Variants in FMNL2 observed in about 807,000 individuals in gnomAD.
FMNL2 encodes the protein formin-like protein 2.
In FMNL2, 51 loss-of-function variants were observed where a neutral mutation model predicts 130.2. The observed-to-expected ratio is 0.39, with a 90% CI of 0.31 to 0.49. The LOEUF is 0.49. Among genes scored for constraint, FMNL2 ranks in the 20% least tolerant of loss-of-function variants. The pLI is 0.85. For synonymous variants in FMNL2, 465 were observed against 467.1 expected, an observed-to-expected ratio of 1.00 and a Z score of 0.06; for missense variants, 977 against 1,316.2, an observed-to-expected ratio of 0.74 and a Z score of 3.99.
chr2:152,455,902 A>G (rs904431693), intron 1 of FMNL2, among the ~76,000 whole-genome samples: 8 of 152,104 alleles, frequency 5.3e-5, no homozygotes, highest in Admixed American at 6.5e-5. Flanking sequence ...TTTTGTAGAG[A>G]CGGGGTCTCA....
chr2:152,466,514 A>G (rs1281178097), intron 1 of FMNL2, among the ~76,000 whole-genome samples: 1 of 152,146 alleles, frequency 6.6e-6, no homozygotes, highest in African/African-American at 2.4e-5. Context: ...TTGTTGGTGG[A>G]TATAATGTGG....
At chr2:152,457,892 T>C (rs1689043797) in intron 1 of FMNL2, among the ~76,000 whole-genome samples, 1 of 152,090 alleles carries the variant, frequency 6.6e-6, no homozygotes, top group Admixed American at 6.5e-5. Context: ...TCAATGCAAA[T>C]AATGTCAGGG....
At chr2:152,637,756 A>G in intron 23 of FMNL2, 82 bp downstream of exon 23, 1 of 1,234,070 alleles carries the variant, frequency 8.1e-7, no homozygotes, top group East Asian at 2.4e-5. Context: ...CTCTCTGCAG[A>G]GGCCTCCCAG....
Position 152,335,473 on chromosome 2 carries a change from TGGGCGCGGCGGAGGGCGGGGAGCC to T in FMNL2, c.-126_-103del, listed in dbSNP as rs1240941349. 1.9e-6 allele frequency: 1 copy of T among 524,370 alleles called. No homozygotes were observed. Among genetic ancestry groups the T allele is most frequent in the Non-Finnish European group, 3.0e-6 (1 of 333,014 alleles). The allele number at this position is 524,370 out of a possible 1,614,324, so 32.5% of individuals were successfully genotyped here. The stretch of plus-strand genomic sequence containing the variant: ...GAGCGGTGCGCGCCGCACACCCGCC[TGGGCGCGGCGGAGGGCGGGGAGCC>T]GGGCAGGTCGCGCCTGCGGGCGGCA... On this transcript the variant is annotated 5_prime_UTR_variant, in exon 1 of 26. Coordinates refer to ENST00000288670, the MANE Select transcript of FMNL2 (RefSeq NM_052905.4).
At chr2:152,558,332 T>C (rs1176763193) in intron 4 of FMNL2, among the ~76,000 whole-genome samples, 4 of 152,176 alleles carry the variant, frequency 2.6e-5, no homozygotes, top group Non-Finnish European at 5.9e-5. Flanking sequence ...CCCGCCTGGA[T>C]TTTTGTGGTT....
intron 1 of FMNL2, among the ~76,000 whole-genome samples, chr2:152,453,094 C>T (rs902552802): frequency 1.3e-5 from 2 of 151,432 alleles, no homozygotes; most frequent in Admixed American, 1.3e-4. Context: ...CCCAGCTACT[C>T]GGGAAGCTGA....
intron 3 of FMNL2, among the ~76,000 whole-genome samples, chr2:152,548,343 GTTCCTACCAT>G (rs1445586328): frequency 6.6e-6 from 1 of 152,208 alleles, no homozygotes; most frequent in Non-Finnish European, 1.5e-5. Context: ...ACGGGGGAAA[GTTCCTACCAT>G]TTCCTGATAA....
At chr2:152,621,495 A>G (rs1029254280) in intron 15 of FMNL2, among the ~76,000 whole-genome samples, 29 of 151,548 alleles carry the variant, frequency 1.9e-4, no homozygotes, top group African/African-American at 7.0e-4. Context: ...CTGATAACCA[A>G]CTGCTTTTAG....
intron 1 of FMNL2, among the ~76,000 whole-genome samples, chr2:152,495,268 AG>A (rs1691440088): frequency 6.6e-6 from 1 of 152,122 alleles, no homozygotes; most frequent in African/African-American, 2.4e-5. Flanking sequence ...CTTTCTTTGA[AG>A]TATTAAGTAC....
intron 15 of FMNL2, among the ~76,000 whole-genome samples, chr2:152,624,472 G>A (rs865776260): frequency 2.4e-4 from 36 of 150,626 alleles, no homozygotes; most frequent in Middle Eastern, 3.4e-3. Context: ...CTTCCCCCCC[G>A]CCCCTTTTAT....
chr2:152,358,301 C>A (rs891946060), intron 1 of FMNL2, among the ~76,000 whole-genome samples: 4 of 152,114 alleles, frequency 2.6e-5, no homozygotes, highest in Non-Finnish European at 5.9e-5. Flanking sequence ...CTTCCTTGCT[C>A]CTCAGTTTGC....
At chr2:152,386,686 T>C (rs925246512) in intron 1 of FMNL2, among the ~76,000 whole-genome samples, 4 of 152,188 alleles carry the variant, frequency 2.6e-5, no homozygotes, top group African/African-American at 9.7e-5. Context: ...TTTGATGTTA[T>C]TACCTTGAGG....
intron 7 of FMNL2, chr2:152,578,650 C>T (rs184155740): frequency 1.2e-5 from 4 of 331,246 alleles, no homozygotes; most frequent in Admixed American, 9.5e-5. Flanking sequence ...CTGTACCCCC[C>T]GCCTCAGCCT....
intron 3 of FMNL2, among the ~76,000 whole-genome samples, chr2:152,545,939 G>A (rs902483902): frequency 2.6e-5 from 4 of 152,220 alleles, no homozygotes; most frequent in African/African-American, 9.7e-5. Flanking sequence ...TCCGTTATCA[G>A]GCAGTTGCAG....
intron 1 of FMNL2, among the ~76,000 whole-genome samples, chr2:152,441,800 A>C (rs543970099): frequency 6.6e-6 from 1 of 151,410 alleles, no homozygotes; most frequent in Admixed American, 6.6e-5. Context: ...ATGCCACTGC[A>C]CTCCAGCCTG....
chr2:152,595,940 A>G (rs1697745307), intron 9 of FMNL2, among the ~76,000 whole-genome samples: 1 of 151,676 alleles, frequency 6.6e-6, no homozygotes, highest in South Asian at 2.1e-4. Context: ...GGCCTTATTA[A>G]ACAGAAGAAT....
intron 6 of FMNL2, among the ~76,000 whole-genome samples, chr2:152,565,033 G>C (rs901109899): frequency 6.6e-6 from 1 of 151,958 alleles, no homozygotes; most frequent in Non-Finnish European, 1.5e-5. Flanking sequence ...GTGTGCCTTC[G>C]GTTAAGATAG....
intron 17 of FMNL2, 101 bp from the exon 18 acceptor site, chr2:152,628,198 C>CA: frequency 1.0e-6 from 1 of 987,998 alleles, no homozygotes; most frequent in Non-Finnish European, 1.6e-6. Context: ...TGAGCTGTAC[C>CA]AGATGGATGA....
At chr2:152,582,933 A>G (rs1324820514) in intron 9 of FMNL2, among the ~76,000 whole-genome samples, 1 of 152,204 alleles carries the variant, frequency 6.6e-6, no homozygotes, top group Non-Finnish European at 1.5e-5. Context: ...ATTTGTATAG[A>G]ACAAGAATAA....
Sources: gnomAD v4.1 joint callset for allele counts (sites outside exome capture counted in the v4.1 genomes callset) on GRCh38, gnomAD v4.1.1 for gene constraint, MANE v1.5 for transcripts, NCBI Gene and HGNC (gene_info 2026-07-23, HGNC 2026-07-21) for gene names.